KNTC1: variants seen among roughly 807,000 people sequenced by gnomAD.
KNTC1 encodes the protein kinetochore associated 1, also known as kinetochore-associated protein 1.
KNTC1 carries 253 observed loss-of-function variants against 314.4 expected under a neutral mutation model. The observed-to-expected ratio is 0.80, with a 90% CI of 0.73 to 0.89. The LOEUF (loss-of-function observed/expected upper bound fraction) is 0.89. Among genes scored for constraint, KNTC1 ranks in the 40% least tolerant of loss-of-function variants. KNTC1 has a pLI of 0.00. For synonymous variants in KNTC1, 901 were observed against 901.4 expected, an observed-to-expected ratio of 1.00 and a Z score of 0.01; for missense variants, 2,475 against 2,572.9, an observed-to-expected ratio of 0.96 and a Z score of 0.82.
chr12:122,598,416 C>CT (rs1421861222), intron 44 of KNTC1, among the ~76,000 whole-genome samples: 4 of 90,040 alleles, frequency 4.4e-5, no homozygotes, highest in Non-Finnish European at 8.7e-5. Context: ...TTTTCTTTTT[C>CT]TTTTCTTTTT....
intron 9 of KNTC1, 63 bp downstream of exon 9, chr12:122,546,332 G>A (rs1962761189): frequency 1.0e-6 from 1 of 988,614 alleles, no homozygotes; most frequent in Admixed American, 2.1e-5. Flanking sequence ...TTATGTCAGT[G>A]TACTTAGACT....
chr12:122,563,391 C>T (rs1347720213), intron 20 of KNTC1, among the ~76,000 whole-genome samples: 1 of 152,144 alleles, frequency 6.6e-6, no homozygotes, highest in African/African-American at 2.4e-5. Context: ...TATATTGGTT[C>T]TGTAGCTGAC....
chr12:122,609,957 G>A (rs952296816), intron 52 of KNTC1, among the ~76,000 whole-genome samples: 2 of 152,224 alleles, frequency 1.3e-5, no homozygotes, highest in African/African-American at 2.4e-5. Flanking sequence ...CATGGATAAG[G>A]GAGCATGGTG....
At chr12:122,611,468 C>T (rs1471354541) in intron 53 of KNTC1, 3 of 152,220 alleles carry the variant, frequency 2.0e-5, no homozygotes, top group South Asian at 2.1e-4. Flanking sequence ...TTTTAAAGTC[C>T]GTGACAAAAA....
intron 51 of KNTC1, among the ~76,000 whole-genome samples, chr12:122,606,541 A>T (rs1036315227): frequency 2.6e-5 from 4 of 151,914 alleles, no homozygotes; most frequent in African/African-American, 9.7e-5. Flanking sequence ...TTTTTGTTTA[A>T]ATATTGTTTT....
intron 60 of KNTC1, 77 bp downstream of exon 60, chr12:122,620,685 A>C: frequency 6.7e-7 from 1 of 1,489,856 alleles, no homozygotes; most frequent in Non-Finnish European, 9.1e-7. Flanking sequence ...AAAAGGTCGC[A>C]TTTTCATTTC....
intron 13 of KNTC1, among the ~76,000 whole-genome samples, chr12:122,550,531 C>G (rs1963125131): frequency 6.6e-6 from 1 of 152,006 alleles, no homozygotes; most frequent in South Asian, 2.1e-4. Context: ...GAGACAGGGT[C>G]TTGCTCTGTT....
At chr12:122,574,817 C>T (rs1267187060) in intron 27 of KNTC1, among the ~76,000 whole-genome samples, 1 of 152,206 alleles carries the variant, frequency 6.6e-6, no homozygotes, top group Non-Finnish European at 1.5e-5. Context: ...GCAGGCTTTT[C>T]TGTGGTTATG....
chr12:122,612,511 C>T (rs906084845), intron 53 of KNTC1, among the ~76,000 whole-genome samples: 5 of 151,434 alleles, frequency 3.3e-5, no homozygotes, highest in Admixed American at 6.6e-5. Flanking sequence ...CCTCCGCCTC[C>T]GGGTTCAAAT....
intron 27 of KNTC1, 70 bp downstream of exon 27, chr12:122,574,450 C>A: frequency 1.1e-6 from 1 of 910,824 alleles, no homozygotes. Flanking sequence ...TTTTTCTGTT[C>A]ATAAAAGCGA....
chr12:122,618,422 C>G, intron 58 of KNTC1, 25 bp downstream of exon 58: 1 of 1,613,020 alleles, frequency 6.2e-7, no homozygotes, highest in South Asian at 1.1e-5. Flanking sequence ...GAAACATTGG[C>G]TACAGCATTT....
At position 122,571,681 on chromosome 12, in the gene KNTC1, T is replaced by A. The variant is rs751785901; in HGVS notation, c.2019+555T>A. ...GCCCTCTCAACCTATTATTATTATT[T>A]TTTTTTGAGATGGAGTCTCACCCTG... is the stretch of plus-strand genomic sequence containing the variant. On this transcript the variant is annotated intron_variant, in intron 24 of 63. Coordinates refer to ENST00000333479, the MANE Select transcript of KNTC1 (RefSeq NM_014708.6). Among the ~76,000 whole-genome samples the A allele has an allele frequency of 6.6e-5, 10 of 151,626 alleles. No homozygotes were observed. The East Asian group carries it at 7.8e-4, about 12-fold the overall frequency.
chr12:122,592,506 G>A (rs1034643506), intron 42 of KNTC1, among the ~76,000 whole-genome samples: 4 of 152,234 alleles, frequency 2.6e-5, no homozygotes, highest in African/African-American at 9.6e-5. Context: ...GTGGGGACGT[G>A]GAGATTCTTT....
At chr12:122,585,800 T>A in intron 37 of KNTC1, 26 bp downstream of exon 37, 1 of 1,607,766 alleles carries the variant, frequency 6.2e-7, no homozygotes, top group Non-Finnish European at 8.5e-7. Flanking sequence ...ATCATTATTT[T>A]CTATGTGTTT....
intron 20 of KNTC1, among the ~76,000 whole-genome samples, chr12:122,562,963 C>T (rs764625594): frequency 6.6e-6 from 1 of 151,330 alleles, no homozygotes; most frequent in Non-Finnish European, 1.5e-5. Flanking sequence ...GAGCCGAGAT[C>T]GTGCCACTGC....
intron 5 of KNTC1, among the ~76,000 whole-genome samples, chr12:122,540,504 G>A (rs1226048818): frequency 6.6e-6 from 1 of 151,614 alleles, no homozygotes; most frequent in Admixed American, 6.6e-5. Context: ...AATTAATATT[G>A]TAAGAAACAA....
chr12:122,548,403 T>C (rs550311047), intron 12 of KNTC1, among the ~76,000 whole-genome samples: 1 of 151,648 alleles, frequency 6.6e-6, no homozygotes, highest in Non-Finnish European at 1.5e-5. Context: ...AGAGATGGGG[T>C]TTCACCATTT....
In KNTC1 at chr12:122,604,963, C is replaced by T; in HGVS notation, c.5262C>T (p.Ala1754=). 2 of 1,612,286 alleles carry T rather than the reference C, an allele frequency of 1.2e-6. No homozygotes were observed. The highest frequency in any genetic ancestry group is 1.7e-6 in the Non-Finnish European group (2 of 1,179,156). Residue 1754 remains alanine, a synonymous_variant, in exon 50 of 64, where the codon GCC becomes GCT. Transcript: ENST00000333479. ...RRSGTEAVLI[A]HKLNTEEYLR... ...CGGGCACAGAAGCTGTGCTCATAGC[C>T]CACAAGCTGAACACTGAGGAATATT...
At chr12:122,561,245 G>T (rs1457633552) in intron 18 of KNTC1, among the ~76,000 whole-genome samples, 3 of 151,850 alleles carry the variant, frequency 2.0e-5, no homozygotes, top group Admixed American at 6.6e-5. Context: ...AACCCAGAAG[G>T]TGGAGGTTGC....
Sources: gnomAD v4.1 joint callset for allele counts (sites outside exome capture counted in the v4.1 genomes callset) on GRCh38, gnomAD v4.1.1 for gene constraint, MANE v1.5 for transcripts, NCBI Gene and HGNC (gene_info 2026-07-23, HGNC 2026-07-21) for gene names.